ARHGAP15: variants seen among roughly 807,000 people sequenced by gnomAD.
ARHGAP15 encodes the protein rho GTPase-activating protein 15.
A neutral mutation model predicts 63.7 loss-of-function variants in ARHGAP15; 51 were observed. That is an observed-to-expected ratio of 0.80 (90% CI 0.64 to 1.01). The LOEUF (loss-of-function observed/expected upper bound fraction) is 1.01. ARHGAP15 is among the 50% of genes least tolerant of loss of function. The pLI is 0.00. For synonymous variants in ARHGAP15, 191 were observed against 193.8 expected, an observed-to-expected ratio of 0.99 and a Z score of 0.12; for missense variants, 560 against 564.6, an observed-to-expected ratio of 0.99 and a Z score of 0.08.
At chr2:143,214,250 G>A (rs1692666928) in intron 3 of ARHGAP15, among the ~76,000 whole-genome samples, 1 of 152,028 alleles carries the variant, frequency 6.6e-6, no homozygotes, top group African/African-American at 2.4e-5. Context: ...TCCAGGTTTT[G>A]GGTAACTGTT....
intron 8 of ARHGAP15, among the ~76,000 whole-genome samples, chr2:143,481,616 A>G (rs1485585233): frequency 1.3e-5 from 2 of 152,160 alleles, no homozygotes; most frequent in African/African-American, 2.4e-5. Flanking sequence ...GGGAGTAGAT[A>G]TTCGTCGTCC....
chr2:143,185,903 C>T (rs577286667), intron 2 of ARHGAP15, among the ~76,000 whole-genome samples: 1 of 152,044 alleles, frequency 6.6e-6, no homozygotes. Context: ...ACTTTAGACC[C>T]CAAATTAACT....
intron 13 of ARHGAP15, among the ~76,000 whole-genome samples, chr2:143,767,547 C>T (rs1315334752): frequency 2.0e-5 from 3 of 152,196 alleles, no homozygotes; most frequent in Non-Finnish European, 4.4e-5. Context: ...TTACTCAACA[C>T]TAATCAGGAA....
At chr2:143,300,486 C>G (rs947098293) in intron 6 of ARHGAP15, among the ~76,000 whole-genome samples, 1 of 151,966 alleles carries the variant, frequency 6.6e-6, no homozygotes, top group Non-Finnish European at 1.5e-5. Context: ...AACAGATGAG[C>G]CAGAAATGTA....
At chr2:143,416,925 A>G (rs1031023693) in intron 6 of ARHGAP15, among the ~76,000 whole-genome samples, 15 of 148,262 alleles carry the variant, frequency 1.0e-4, no homozygotes. Context: ...CTCACCTCTA[A>G]CCCCTCTTGG....
At chr2:143,695,639 G>T (rs141257161) in intron 12 of ARHGAP15, among the ~76,000 whole-genome samples, 2 of 152,096 alleles carry the variant, frequency 1.3e-5, no homozygotes, top group African/African-American at 4.8e-5. Context: ...AGGCTGAGGC[G>T]GGTGGATCGC....
intron 6 of ARHGAP15, among the ~76,000 whole-genome samples, chr2:143,290,997 C>T (rs1175530135): frequency 1.3e-5 from 2 of 152,004 alleles, no homozygotes; most frequent in African/African-American, 4.8e-5. Context: ...TATGAAGTGG[C>T]CAGTGAGATC....
rs569516035 is a variant in ARHGAP15 at position 143,599,534 on chromosome 2, G to A, written c.1004-24599G>A. Among the ~76,000 whole-genome samples, 9 of 151,842 alleles carry A rather than the reference G, an allele frequency of 5.9e-5. No individual in the cohort carries two copies. The East Asian group carries it at 1.2e-3, about 20-fold the overall frequency. On this transcript the variant is annotated intron_variant, in intron 11 of 13. Transcript: ENST00000295095. Reference sequence around the variant, plus strand: ...GTAGCAAAGCAAGACCCCTACCCCCGCCATCTACACAGAAAAAAAAATTAA... The same window carrying A: ...GTAGCAAAGCAAGACCCCTACCCCCACCATCTACACAGAAAAAAAAATTAA...
chr2:143,475,421 A>T (rs1691767594), intron 8 of ARHGAP15, among the ~76,000 whole-genome samples: 1 of 152,242 alleles, frequency 6.6e-6, no homozygotes, highest in South Asian at 2.1e-4. Context: ...TTTGGAGCAA[A>T]TAGCTTAAAT....
chr2:143,381,924 C>CT (rs1687069638), intron 6 of ARHGAP15, among the ~76,000 whole-genome samples: 2 of 152,022 alleles, frequency 1.3e-5, no homozygotes, highest in Non-Finnish European at 2.9e-5. Flanking sequence ...GCAATCTATC[C>CT]TTTTTGATAT....
intron 6 of ARHGAP15, 130 bp from the exon 7 acceptor site, chr2:143,435,471 T>TA: frequency 1.5e-6 from 2 of 1,306,524 alleles, no homozygotes; most frequent in Non-Finnish European, 2.0e-6. Context: ...GAAAGACAAT[T>TA]ACTGGAATAC....
intron 2 of ARHGAP15, among the ~76,000 whole-genome samples, chr2:143,161,429 T>C (rs1289920136): frequency 6.6e-6 from 1 of 151,984 alleles, no homozygotes; most frequent in African/African-American, 2.4e-5. Flanking sequence ...ATACTCTTAC[T>C]CTAGTTTGTT....
intron 6 of ARHGAP15, among the ~76,000 whole-genome samples, chr2:143,304,106 A>G (rs1410692744): frequency 2.6e-5 from 4 of 152,158 alleles, no homozygotes; most frequent in Non-Finnish European, 5.9e-5. Flanking sequence ...ATTACTGGAT[A>G]TATACTTAAA....
intron 6 of ARHGAP15, among the ~76,000 whole-genome samples, chr2:143,411,142 C>T (rs1688425786): frequency 6.6e-6 from 1 of 152,014 alleles, no homozygotes; most frequent in South Asian, 2.1e-4. Flanking sequence ...GAAGCAGGGG[C>T]TGCAGTGGGC....
chr2:143,730,798 TAGA>T (rs1398258455), intron 13 of ARHGAP15, among the ~76,000 whole-genome samples: 3 of 150,194 alleles, frequency 2.0e-5, no homozygotes, highest in Non-Finnish European at 4.4e-5. Context: ...CAGATACATA[TAGA>T]AGGTTTTTGT....
intron 6 of ARHGAP15, among the ~76,000 whole-genome samples, chr2:143,434,782 C>G (rs1689536433): frequency 6.6e-6 from 1 of 152,158 alleles, no homozygotes; most frequent in Admixed American, 6.6e-5. Context: ...CCACTCTAAT[C>G]AATTTTTTCT....
chr2:143,160,638 G>A (rs1395307469), intron 2 of ARHGAP15, among the ~76,000 whole-genome samples: 1 of 151,874 alleles, frequency 6.6e-6, no homozygotes, highest in Non-Finnish European at 1.5e-5. Context: ...AAATTCGAAG[G>A]TTTCCTAAGG....
At chr2:143,390,695 C>T (rs992668445) in intron 6 of ARHGAP15, among the ~76,000 whole-genome samples, 1 of 151,214 alleles carries the variant, frequency 6.6e-6, no homozygotes, top group Non-Finnish European at 1.5e-5. Context: ...ATCCCCCCAC[C>T]GTGGATATTT....
chr2:143,587,295 T>A (rs1697142859), intron 11 of ARHGAP15, among the ~76,000 whole-genome samples: 1 of 152,196 alleles, frequency 6.6e-6, no homozygotes, highest in African/African-American at 2.4e-5. Flanking sequence ...CGATTTCTAT[T>A]TTTACAGTAT....
Sources: allele counts gnomAD v4.1 joint callset (sites outside exome capture counted in the v4.1 genomes callset), GRCh38; gene constraint gnomAD v4.1.1; transcripts MANE v1.5; gene names NCBI Gene and HGNC (gene_info 2026-07-23, HGNC 2026-07-21).